Variants in CFAP299 observed in about 807,000 individuals in gnomAD.
The protein encoded by CFAP299 is cilia and flagella associated protein 299, also known as cilia- and flagella-associated protein 299.
A neutral mutation model predicts 27.0 loss-of-function variants in CFAP299; 21 were observed. The ratio of observed to expected loss-of-function variants is 0.78; its 90% CI spans 0.55 to 1.12. CFAP299 has a LOEUF of 1.12. Among genes scored for constraint, CFAP299 ranks in the 50% most tolerant of loss-of-function variants. The pLI, the probability that CFAP299 is intolerant of heterozygous loss-of-function variation, is 0.00. For synonymous variants in CFAP299, 104 were observed against 98.1 expected (o/e 1.06, Z -0.36); for missense variants, 310 against 276.6 (o/e 1.12, Z -0.86).
intron 4 of CFAP299, among the ~76,000 whole-genome samples, chr4:80,944,064 CAATA>C (rs199854313): frequency 0.18 from 25,502 of 144,210 alleles, 2,424 homozygotes; most frequent in African/African-American, 0.26. Context: ...GACTCCATCT[CAATA>C]AATAAATAAA....
chr4:80,402,860 A>G (rs1726231842), intron 2 of CFAP299, among the ~76,000 whole-genome samples: 1 of 152,202 alleles, frequency 6.6e-6, no homozygotes. Context: ...AACAATATTA[A>G]GGTAAAATTA....
chr4:80,794,279 T>C (rs1438549226), intron 3 of CFAP299, among the ~76,000 whole-genome samples: 3 of 152,156 alleles, frequency 2.0e-5, no homozygotes, highest in Non-Finnish European at 4.4e-5. Context: ...CATTCCTCCT[T>C]CTGGAACTAA....
At chr4:80,449,823 T>C (rs937565969) in intron 2 of CFAP299, among the ~76,000 whole-genome samples, 12 of 151,902 alleles carry the variant, frequency 7.9e-5, no homozygotes, top group Non-Finnish European at 1.5e-5. Context: ...AAGTACTTTA[T>C]GTTTAATTTT....
chr4:80,951,999 A>G (rs1737804805), intron 5 of CFAP299, among the ~76,000 whole-genome samples: 1 of 152,134 alleles, frequency 6.6e-6, no homozygotes. Flanking sequence ...GGGGCCAGAG[A>G]GTGGGCGAGG....
chr4:80,394,559 T>G (rs1231019626), intron 2 of CFAP299, among the ~76,000 whole-genome samples: 1 of 152,148 alleles, frequency 6.6e-6, no homozygotes, highest in Non-Finnish European at 1.5e-5. Context: ...AGTTTCAGTT[T>G]CTTACGTATA....
intron 3 of CFAP299, among the ~76,000 whole-genome samples, chr4:80,712,717 C>T (rs1290298665): frequency 3.9e-5 from 6 of 152,014 alleles, no homozygotes; most frequent in Non-Finnish European, 7.4e-5. Context: ...TTTTTCCCTT[C>T]GATAATAGCT....
chr4:80,325,408 G>A, the CFAP299 span, among the ~76,000 whole-genome samples: 3 of 152,136 alleles, frequency 2.0e-5, no homozygotes, highest in African/African-American at 4.8e-5. Context: ...TGAGATATCA[G>A]TATATTTACT....
At chr4:80,462,219 T>C (rs1221255810) in intron 2 of CFAP299, among the ~76,000 whole-genome samples, 2 of 152,152 alleles carry the variant, frequency 1.3e-5, no homozygotes, top group Non-Finnish European at 2.9e-5. Context: ...CACTTTCCCC[T>C]TAGTATATAG....
At chr4:80,923,360 A>T (rs1472694904) in intron 4 of CFAP299, among the ~76,000 whole-genome samples, 2 of 151,926 alleles carry the variant, frequency 1.3e-5, no homozygotes, top group Non-Finnish European at 2.9e-5. Context: ...TTTGCCTTTC[A>T]TTGTCGTCTC....
intron 3 of CFAP299, among the ~76,000 whole-genome samples, chr4:80,769,212 T>A (rs1455854404): frequency 6.6e-6 from 1 of 152,174 alleles, no homozygotes; most frequent in African/African-American, 2.4e-5. Flanking sequence ...TTGAGCTTAG[T>A]AAGAATTGTT....
At chr4:80,339,419 A>G (rs1049364898) in intron 1 of CFAP299, among the ~76,000 whole-genome samples, 5 of 152,246 alleles carry the variant, frequency 3.3e-5, no homozygotes, top group African/African-American at 1.2e-4. Context: ...CAAATAGTGT[A>G]TGAATCTAAT....
At chr4:80,784,237 T>A (rs1232985723) in intron 3 of CFAP299, among the ~76,000 whole-genome samples, 1 of 152,208 alleles carries the variant, frequency 6.6e-6, no homozygotes, top group Admixed American at 6.5e-5. Context: ...TTTGTGTATA[T>A]ACCCAGAGGA....
At chr4:80,710,578 C>CTTTTTTT (rs5859734) in intron 3 of CFAP299, among the ~76,000 whole-genome samples, 1 of 138,876 alleles carries the variant, frequency 7.2e-6, no homozygotes, top group African/African-American at 2.7e-5. Flanking sequence ...AGAAATAAGA[C>CTTTTTTT]TTTTTTTTTT....
chr4:80,712,184 TATTTAAGGC>T (rs1166227266), intron 3 of CFAP299, among the ~76,000 whole-genome samples: 4 of 152,190 alleles, frequency 2.6e-5, no homozygotes, highest in African/African-American at 9.7e-5. Context: ...CTATGTTATG[TATTTAAGGC>T]ATTTGGTTAC....
intron 3 of CFAP299, among the ~76,000 whole-genome samples, chr4:80,855,917 T>C (rs1347102967): frequency 8.2e-4 from 125 of 152,024 alleles, no homozygotes; most frequent in African/African-American, 2.9e-3. Context: ...TTTGGGTATA[T>C]ACCCAGTAAT....
intron 3 of CFAP299, among the ~76,000 whole-genome samples, chr4:80,623,497 A>C (rs1738713749): frequency 6.6e-6 from 1 of 152,200 alleles, no homozygotes; most frequent in Non-Finnish European, 1.5e-5. Flanking sequence ...ATTGATTTTG[A>C]CAACTATCCA....
At chr4:80,510,689 A>C (rs1732252713) in intron 2 of CFAP299, among the ~76,000 whole-genome samples, 1 of 152,152 alleles carries the variant, frequency 6.6e-6, no homozygotes, top group Admixed American at 6.6e-5. Context: ...AAATAACACC[A>C]ATATATGCCC....
chr4:80,419,209 GC>G (rs148602222), intron 2 of CFAP299, among the ~76,000 whole-genome samples: 7,979 of 152,276 alleles, frequency 0.052, 303 homozygotes, highest in Non-Finnish European at 0.08. Context: ...GGCCAAGGGG[GC>G]AACTTAAGAG....
intron 4 of CFAP299, among the ~76,000 whole-genome samples, chr4:80,880,891 G>T (rs898224261): frequency 6.6e-6 from 1 of 152,194 alleles, no homozygotes; most frequent in Admixed American, 6.5e-5. Flanking sequence ...AAGTGAGATT[G>T]CAGTGTGTGC....
Sources: gnomAD v4.1 joint callset for allele counts (sites outside exome capture counted in the v4.1 genomes callset) on GRCh38, gnomAD v4.1.1 for gene constraint, MANE v1.5 for transcripts, NCBI Gene and HGNC (gene_info 2026-07-23, HGNC 2026-07-21) for gene names.